The following CSMD1 variants were observed in gnomAD, a reference collection of about 807,000 sequenced individuals.
CSMD1 encodes the protein CUB and Sushi multiple domains 1, also known as CUB and sushi domain-containing protein 1.
CSMD1 carries 213 observed loss-of-function variants against 417.5 expected under a neutral mutation model. The ratio of observed to expected loss-of-function variants is 0.51; its 90% CI spans 0.46 to 0.57. The LOEUF is 0.57. CSMD1 is among the 20% of genes least tolerant of loss of function. The pLI is 0.00. For synonymous variants in CSMD1, 2,862 were observed against 1,736.8 expected (o/e 1.65, Z -16.11); for missense variants, 6,923 against 4,529.7 (o/e 1.53, Z -15.17).
chr8:4,582,978 G>A (rs1799499441), intron 2 of CSMD1, among the ~76,000 whole-genome samples: 1 of 152,208 alleles, frequency 6.6e-6, no homozygotes, highest in South Asian at 2.1e-4. Context: ...CCGGGCCAGT[G>A]GCTGCGGACG....
At position 3,107,775 on chromosome 8, in the gene CSMD1, G is replaced by A. The variant is rs1254099921; in HGVS notation, c.6778C>T (p.Pro2260Ser). 1.9e-6 allele frequency: 3 copies of A among 1,585,798 alleles called. No homozygotes were observed. The highest frequency in any genetic ancestry group is 2.6e-6 in the Non-Finnish European group (3 of 1,171,052). The part of the protein sequence containing the change: ...FHAFQLKKCQ[P>S]PPAVPQAEML... The stretch of plus-strand genomic sequence containing the variant: ...TCTGCCTGTGGAACCGCTGGGGGAG[G>A]TTGACATTTCTTGAGCTGAAATGCT... The change falls in exon 45 of 70, where the codon CCT becomes TCT. Residue 2260 changes from proline (P) to serine (S), a missense_variant. Pro to Ser is a moderately conservative substitution (Grantham distance 74, BLOSUM62 -1). Transcript: ENST00000635120.
chr8:4,289,469 G>C (rs995213381), intron 3 of CSMD1, among the ~76,000 whole-genome samples: 2 of 152,122 alleles, frequency 1.3e-5, no homozygotes, highest in Non-Finnish European at 2.9e-5. Flanking sequence ...AAGTCCAGTA[G>C]TAGCCAGATT....
intron 2 of CSMD1, among the ~76,000 whole-genome samples, chr8:4,633,421 T>C (rs11782705): frequency 0.061 from 9,337 of 151,860 alleles, 379 homozygotes; most frequent in Middle Eastern, 0.096. Flanking sequence ...TAATTTTTTT[T>C]TGTATTTTTA....
chr8:4,517,443 C>T (rs1370523630), intron 2 of CSMD1, among the ~76,000 whole-genome samples: 3 of 152,192 alleles, frequency 2.0e-5, no homozygotes, highest in African/African-American at 7.2e-5. Context: ...GTCTGTATTT[C>T]ACAGAGATGT....
chr8:4,043,931 C>G (rs1333073362), intron 3 of CSMD1, among the ~76,000 whole-genome samples: 1 of 152,012 alleles, frequency 6.6e-6, no homozygotes, highest in Non-Finnish European at 1.5e-5. Context: ...ATGATATTTC[C>G]ACCACACCAT....
intron 1 of CSMD1, among the ~76,000 whole-genome samples, chr8:4,945,004 T>C (rs1346884260): frequency 1.3e-5 from 2 of 152,206 alleles, no homozygotes; most frequent in Admixed American, 1.3e-4. Flanking sequence ...AACCAACCCG[T>C]GTCCCTTGGC....
At position 3,409,407 on chromosome 8, in the gene CSMD1, A is replaced by G; in HGVS notation, c.1744+16T>C. 1 of 1,597,430 alleles carries G rather than the reference A, an allele frequency of 6.3e-7. No individual in the cohort carries two copies. The highest frequency in any genetic ancestry group is 1.7e-4 in the Middle Eastern group (1 of 5,978). ...TGCAGGACAGGAGGGAGTCCAGGTC[A>G]AGGCATAATACTCACATACACAGCT... On this transcript the variant is annotated intron_variant, in intron 13 of 69. Coordinates refer to ENST00000635120, the MANE Select transcript of CSMD1 (RefSeq NM_033225.6).
chr8:4,035,661 A>C (rs1046188987), intron 3 of CSMD1, among the ~76,000 whole-genome samples: 1 of 152,246 alleles, frequency 6.6e-6, no homozygotes, highest in African/African-American at 2.4e-5. Context: ...CTTATGAATA[A>C]CAATATAAAT....
At chr8:4,196,767 A>T (rs1421754106) in intron 3 of CSMD1, among the ~76,000 whole-genome samples, 1 of 151,926 alleles carries the variant, frequency 6.6e-6, no homozygotes, top group African/African-American at 2.4e-5. Context: ...TTATCTGTAA[A>T]CCCCTTTTTC....
At chr8:3,579,094 T>C (rs1015939753) in intron 9 of CSMD1, among the ~76,000 whole-genome samples, 2 of 152,244 alleles carry the variant, frequency 1.3e-5, no homozygotes, top group Non-Finnish European at 2.9e-5. Context: ...CTGATGTTAC[T>C]TGCTTGGCAG....
At chr8:4,788,043 G>A (rs983414008) in intron 1 of CSMD1, 13 of 1,592,360 alleles carry the variant, frequency 8.2e-6, no homozygotes, top group African/African-American at 1.3e-5. Context: ...GCTCCAAATG[G>A]TAAAGAAAAA....
rs1585370807 is a variant in CSMD1, at chr8:4,637,084, C to T, written c.302+258G>A. Among the ~76,000 whole-genome samples the T allele has an allele frequency of 2.0e-5, 3 of 152,214 alleles. No individual in the cohort carries two copies. The South Asian group carries it at 6.2e-4, about 32-fold the overall frequency. On this transcript the variant is annotated intron_variant, in intron 2 of 69. Coordinates refer to ENST00000635120, the MANE Select transcript of CSMD1 (RefSeq NM_033225.6). ...AAAAGCAGCCCAACGGGTTGGTCTC[C>T]CTTGCTGTGCTGTGGAAACTTTATT...
intron 12 of CSMD1, among the ~76,000 whole-genome samples, chr8:3,412,878 G>A (rs1812901330): frequency 2.6e-5 from 4 of 152,174 alleles, no homozygotes; most frequent in Admixed American, 1.3e-4. Context: ...AACGCTGCAT[G>A]GTTTATAATA....
At chr8:4,374,644 C>T (rs1306882620) in intron 3 of CSMD1, among the ~76,000 whole-genome samples, 1 of 152,044 alleles carries the variant, frequency 6.6e-6, no homozygotes, top group African/African-American at 2.4e-5. Flanking sequence ...TGTTTTTTAG[C>T]TGGATGTTTT....
intron 3 of CSMD1, among the ~76,000 whole-genome samples, chr8:4,034,391 T>G (rs1427903974): frequency 1.3e-5 from 2 of 152,222 alleles, no homozygotes; most frequent in Non-Finnish European, 2.9e-5. Context: ...GAAATCTGTT[T>G]GAAAACACAA....
intron 1 of CSMD1, among the ~76,000 whole-genome samples, chr8:4,779,087 G>A (rs767071505): frequency 3.3e-5 from 5 of 152,124 alleles, no homozygotes; most frequent in African/African-American, 4.8e-5. Context: ...ACGAGAGGCC[G>A]TATCCTCATT....
At chr8:4,387,592 A>AAAAAAAAAAAAAAAT (rs1803542375) in intron 3 of CSMD1, among the ~76,000 whole-genome samples, 2 of 148,704 alleles carry the variant, frequency 1.3e-5, no homozygotes, top group Non-Finnish European at 3.0e-5. Context: ...AAAAAAAAAA[A>AAAAAAAAAAAAAAAT]GAGTTGAATG....
intron 2 of CSMD1, among the ~76,000 whole-genome samples, chr8:4,535,115 A>G (rs1252090363): frequency 3.3e-5 from 5 of 152,210 alleles, no homozygotes; most frequent in Non-Finnish European, 5.9e-5. Context: ...AAGATACAAT[A>G]TTAAAAACAT....
chr8:4,149,468 T>C (rs1029659344), intron 3 of CSMD1, among the ~76,000 whole-genome samples: 1 of 152,214 alleles, frequency 6.6e-6, no homozygotes. Context: ...AATCTTCCAA[T>C]ATATTTGAAG....
Sources: allele counts gnomAD v4.1 joint callset (sites outside exome capture counted in the v4.1 genomes callset), GRCh38; gene constraint gnomAD v4.1.1; transcripts MANE v1.5; gene names NCBI Gene and HGNC (gene_info 2026-07-23, HGNC 2026-07-21).